MACROD1: variants seen among roughly 807,000 people sequenced by gnomAD.
The protein encoded by MACROD1 is ADP-ribose glycohydrolase MACROD1.
MACROD1 carries 31 observed loss-of-function variants against 41.4 expected under a neutral mutation model. The observed-to-expected ratio is 0.75, with a 90% CI of 0.56 to 1.01. MACROD1 has a LOEUF of 1.01. MACROD1 is among the 50% of genes least tolerant of loss of function. The pLI is 0.00. For missense variants in MACROD1, 473 were observed against 460.0 expected, an observed-to-expected ratio of 1.03 and a Z score of -0.26; for synonymous variants, 252 against 203.4, an observed-to-expected ratio of 1.24 and a Z score of -2.03.
chr11:64,007,043 C>T (rs1490776060), intron 4 of MACROD1, among the ~76,000 whole-genome samples: 2 of 152,122 alleles, frequency 1.3e-5, no homozygotes, highest in African/African-American at 4.8e-5. Context: ...CCCATGGCTC[C>T]CAAGAGTACA....
intron 3 of MACROD1, among the ~76,000 whole-genome samples, chr11:64,115,404 A>G (rs770747151): frequency 3.3e-5 from 5 of 150,838 alleles, no homozygotes; most frequent in Non-Finnish European, 4.4e-5. Flanking sequence ...TGAATAGCTG[A>G]AAGTTTATGA....
intron 3 of MACROD1, among the ~76,000 whole-genome samples, chr11:64,124,544 C>T (rs535661625): frequency 6.6e-6 from 1 of 152,340 alleles, no homozygotes; most frequent in Non-Finnish European, 1.5e-5. Context: ...TTGCTCTTCC[C>T]CCTCCCTCGG....
chr11:64,096,660 G>A lies in MACROD1; in HGVS notation c.517+54579C>T, dbSNP rs951970225. On this transcript the variant is annotated intron_variant, in intron 3 of 10. Transcript: ENST00000255681. The surrounding 1 kb of genome is among the most constrained non-coding windows in gnomAD (Gnocchi z 4.6). ...TCGAACTCCTGACCTCAAGTTATCC[G>A]CCTGCCTCAGCCTCCCAAAGTGCTG... Among the ~76,000 whole-genome samples the A allele has an allele frequency of 1.3e-5, 2 of 152,002 alleles. No homozygotes were observed. Among genetic ancestry groups the A allele is most frequent in the African/African-American group, 2.4e-5 (1 of 41,382 alleles).
intron 4 of MACROD1, among the ~76,000 whole-genome samples, chr11:64,003,872 C>T (rs1463987947): frequency 6.6e-6 from 1 of 152,202 alleles, no homozygotes; most frequent in East Asian, 1.9e-4. Context: ...GGGGGCTGCC[C>T]TGGTGGCCTC....
At chr11:64,127,370 C>T (rs1003063251) in intron 3 of MACROD1, among the ~76,000 whole-genome samples, 5 of 152,184 alleles carry the variant, frequency 3.3e-5, no homozygotes, top group Admixed American at 2.0e-4. Context: ...GTGGTCTCAG[C>T]GGCCCACCCC....
intron 3 of MACROD1, among the ~76,000 whole-genome samples, chr11:64,094,760 A>G (rs569047086): frequency 6.6e-6 from 1 of 152,360 alleles, no homozygotes; most frequent in African/African-American, 2.4e-5. Flanking sequence ...ACCAGGATTT[A>G]GAAAGTCACC....
chr11:64,100,679 G>A (rs1323855588), intron 3 of MACROD1, among the ~76,000 whole-genome samples: 1 of 152,178 alleles, frequency 6.6e-6, no homozygotes, highest in Non-Finnish European at 1.5e-5. Flanking sequence ...CCACACAAGG[G>A]AAGAGCCACA....
chr11:64,136,534 G>A (rs933139126), intron 3 of MACROD1, among the ~76,000 whole-genome samples: 2 of 152,196 alleles, frequency 1.3e-5, no homozygotes, highest in African/African-American at 4.8e-5. Flanking sequence ...CCTGCCTGGA[G>A]GCTGGGGGAT....
In MACROD1 at chr11:64,082,509, C is replaced by T. The variant is rs1411178764; in HGVS notation, c.518-67228G>A. ...CAAGAGCTGGTCCCAGGGGGTGAAA[C>T]AAGGCTCGGTGCCTAACGGTGGTGG... On this transcript the variant is annotated intron_variant, in intron 3 of 10. Coordinates refer to ENST00000255681, the MANE Select transcript of MACROD1 (RefSeq NM_014067.4). This position sits in a 1 kb window ranked among gnomAD's most constrained non-coding sequence, Gnocchi z 4.5. 3.9e-5 allele frequency among the ~76,000 whole-genome samples: 6 copies of T among 152,038 alleles called. No homozygotes were observed. The highest frequency in any genetic ancestry group is 8.8e-5 in the Non-Finnish European group (6 of 67,994).
At chr11:64,018,316 C>T (rs938216157) in intron 3 of MACROD1, among the ~76,000 whole-genome samples, 2 of 152,200 alleles carry the variant, frequency 1.3e-5, no homozygotes, top group African/African-American at 4.8e-5. Context: ...GGTGGCCAAC[C>T]TGGTGGCTGG....
chr11:64,077,572 T>C (rs1475470565), intron 3 of MACROD1, among the ~76,000 whole-genome samples: 1 of 152,106 alleles, frequency 6.6e-6, no homozygotes, highest in Non-Finnish European at 1.5e-5. Context: ...TCACTCCCAG[T>C]GCACATGTGC....
chr11:64,015,827 G>T (rs1276929246), intron 3 of MACROD1, among the ~76,000 whole-genome samples: 1 of 152,092 alleles, frequency 6.6e-6, no homozygotes, highest in Non-Finnish European at 1.5e-5. Context: ...GCAGAAGGGG[G>T]CAGGGGCGGG....
intron 3 of MACROD1, among the ~76,000 whole-genome samples, chr11:64,035,221 GC>G (rs1650714918): frequency 6.6e-6 from 1 of 152,006 alleles, no homozygotes; most frequent in Admixed American, 6.5e-5. Flanking sequence ...CCCTGGCACT[GC>G]CCCCTTAATA....
intron 3 of MACROD1, among the ~76,000 whole-genome samples, chr11:64,046,443 G>A (rs1160344310): frequency 6.6e-6 from 1 of 152,212 alleles, no homozygotes; most frequent in African/African-American, 2.4e-5. Flanking sequence ...GGGACAGGAG[G>A]GAGCTGGGTC....
rs201409496 is a variant in MACROD1 at position 64,015,258 on chromosome 11, C to T, written c.541G>A (p.Gly181Ser). The T allele has an allele frequency of 2.5e-4, 399 of 1,604,164 alleles. 1 individual carries two copies. Among genetic ancestry groups the T allele is most frequent in the South Asian group, 6.3e-4 (56 of 89,182 alleles). The change falls in exon 4 of 11, where the codon GGT becomes AGT. Residue 181 changes from glycine to serine, a missense_variant. By Grantham distance (56) the Gly-to-Ser change is moderately conservative. Coordinates refer to ENST00000255681, the MANE Select transcript of MACROD1 (RefSeq NM_014067.4). ...AGACAGAAGGTCCACTCACCGCCAC[C>T]GCCTCCGAGCAGGGAGCTGTTGGCT... ...NAANSSLLGG[G>S]GVDGCIHRAA...
chr11:64,165,611 GGCT>G (rs1009590485), intron 1 of MACROD1, 83 bp downstream of exon 1: 2 of 1,214,492 alleles, frequency 1.6e-6, no homozygotes, highest in African/African-American at 3.2e-5. Context: ...GGGTGGAAGG[GGCT>G]GCTCGCTCGT....
chr11:64,151,427 G>T (rs774805072), intron 2 of MACROD1, 72 bp from the exon 3 acceptor site: 5 of 1,133,496 alleles, frequency 4.4e-6, no homozygotes, highest in African/African-American at 3.0e-5. Flanking sequence ...AGGGCCCAGG[G>T]GCCAGGGCCT....
chr11:64,004,197 G>A (rs914962803), intron 4 of MACROD1, among the ~76,000 whole-genome samples: 4 of 152,164 alleles, frequency 2.6e-5, no homozygotes, highest in African/African-American at 9.7e-5. Flanking sequence ...CGCCTCCCAT[G>A]GAAGGATGTT....
chr11:64,166,034 C>CT lies in MACROD1; in HGVS notation c.-41dup. The stretch of plus-strand genomic sequence containing the variant: ...GGACGGCTCTCCGCCCACTTGGACT[C>CT]TATTTACGGCGCTCGGGAGTGTCTC... On this transcript the variant is annotated 5_prime_UTR_variant, in exon 1 of 11. Coordinates refer to ENST00000255681, the MANE Select transcript of MACROD1 (RefSeq NM_014067.4). 8.0e-7 allele frequency: 1 copy of CT among 1,246,624 alleles called. No individual in the cohort carries two copies. Among genetic ancestry groups the CT allele is most frequent in the Admixed American group, 4.2e-5 (1 of 23,674 alleles). The allele number at this position is 1,246,624 out of a possible 1,614,324, so 77.2% of individuals were successfully genotyped here. A position where few individuals can be genotyped will look rare whatever the true frequency, so the allele number is the denominator to read the frequency against.
Sources: allele counts gnomAD v4.1 joint callset (sites outside exome capture counted in the v4.1 genomes callset), GRCh38; gene constraint gnomAD v4.1.1; non-coding constraint Gnocchi (gnomAD v3.1); transcripts MANE v1.5; gene names NCBI Gene and HGNC (gene_info 2026-07-23, HGNC 2026-07-21).